The following GABRG3 variants were observed in gnomAD, a reference collection of about 807,000 sequenced individuals.
GABRG3 encodes gamma-aminobutyric acid type A receptor subunit gamma3, also known as gamma-aminobutyric acid receptor subunit gamma-3.
GABRG3 carries 25 observed loss-of-function variants against 48.8 expected under a neutral mutation model. That is an observed-to-expected ratio of 0.51 (90% CI 0.37 to 0.72). GABRG3 has a LOEUF of 0.72. Among genes scored for constraint, GABRG3 ranks in the 30% least tolerant of loss-of-function variants. The pLI is 0.00. For synonymous variants in GABRG3, 227 were observed against 217.6 expected (o/e 1.04, Z -0.38); for missense variants, 394 against 577.9 (o/e 0.68, Z 3.26).
At chr15:27,237,222 A>G (rs1468986480) in intron 3 of GABRG3, among the ~76,000 whole-genome samples, 1 of 152,254 alleles carries the variant, frequency 6.6e-6, no homozygotes, top group Admixed American at 6.5e-5. Flanking sequence ...ATTTAAATCC[A>G]GTGCTGACCC....
At chr15:27,435,436 C>A (rs1157178345) in intron 5 of GABRG3, among the ~76,000 whole-genome samples, 1 of 151,982 alleles carries the variant, frequency 6.6e-6, no homozygotes, top group African/African-American at 2.4e-5. Flanking sequence ...TTTAATAAAA[C>A]TTTATTTACA....
At chr15:27,167,198 G>A (rs889611181) in intron 3 of GABRG3, among the ~76,000 whole-genome samples, 1 of 152,122 alleles carries the variant, frequency 6.6e-6, no homozygotes, top group African/African-American at 2.4e-5. Flanking sequence ...GCCCATGCCC[G>A]AGGTCCCCTG....
chr15:27,217,887 C>T (rs1489714176), intron 3 of GABRG3, among the ~76,000 whole-genome samples: 1 of 152,154 alleles, frequency 6.6e-6, no homozygotes, highest in East Asian at 1.9e-4. Context: ...CCTGCCTCTC[C>T]CTGAGCTGGT....
chr15:27,530,501 G>A (rs572899234), intron 9 of GABRG3: 28 of 393,620 alleles, frequency 7.1e-5, no homozygotes, highest in Non-Finnish European at 1.4e-4. Context: ...GTTTCATTTC[G>A]AAGCAGTGAA....
intron 3 of GABRG3, among the ~76,000 whole-genome samples, chr15:27,028,387 A>G (rs899224243): frequency 6.6e-6 from 1 of 152,184 alleles, no homozygotes; most frequent in African/African-American, 2.4e-5. Context: ...GCTGTGACCA[A>G]GGCCCTGAAG....
chr15:27,002,167 C>T (rs1263890792), intron 2 of GABRG3, among the ~76,000 whole-genome samples: 2 of 152,160 alleles, frequency 1.3e-5, no homozygotes, highest in Non-Finnish European at 2.9e-5. Flanking sequence ...AACTTTCCAG[C>T]CATTACATCA....
intron 5 of GABRG3, among the ~76,000 whole-genome samples, chr15:27,341,534 C>T (rs1566794621): frequency 6.6e-6 from 1 of 152,100 alleles, no homozygotes; most frequent in African/African-American, 2.4e-5. Context: ...CCCATCATCC[C>T]GTTTCATCCT....
intron 2 of GABRG3, among the ~76,000 whole-genome samples, chr15:27,023,914 A>G (rs1895941084): frequency 6.6e-6 from 1 of 152,184 alleles, no homozygotes; most frequent in Non-Finnish European, 1.5e-5. Flanking sequence ...TTTTCTTCCC[A>G]CAAACAGTGC....
At chr15:27,165,099 T>C (rs1255629656) in intron 3 of GABRG3, among the ~76,000 whole-genome samples, 1 of 152,226 alleles carries the variant, frequency 6.6e-6, no homozygotes, top group East Asian at 1.9e-4. Flanking sequence ...ATATAGAATT[T>C]AGAATTTGAC....
intron 2 of GABRG3, among the ~76,000 whole-genome samples, chr15:27,004,571 T>C (rs1001026639): frequency 1.3e-5 from 2 of 152,138 alleles, no homozygotes; most frequent in African/African-American, 4.8e-5. Flanking sequence ...GCTGCAATCT[T>C]GGCATTTTGG....
At chr15:27,452,191 G>A (rs1044940522) in intron 5 of GABRG3, among the ~76,000 whole-genome samples, 4 of 152,138 alleles carry the variant, frequency 2.6e-5, no homozygotes, top group African/African-American at 4.8e-5. Flanking sequence ...ATCACCTCAC[G>A]CCTGTTAGAA....
intron 3 of GABRG3, among the ~76,000 whole-genome samples, chr15:27,128,777 G>T (rs546826836): frequency 2.6e-5 from 4 of 152,294 alleles, no homozygotes; most frequent in South Asian, 2.1e-4. Context: ...AATTTCTGGG[G>T]TTCTCCTACT....
chr15:27,015,581 G>A (rs1051850818), intron 2 of GABRG3, among the ~76,000 whole-genome samples: 5 of 151,582 alleles, frequency 3.3e-5, no homozygotes, highest in Non-Finnish European at 7.4e-5. Flanking sequence ...TAGAGACGGG[G>A]TTTCACCGTG....
intron 5 of GABRG3, among the ~76,000 whole-genome samples, chr15:27,430,610 G>T (rs886567706): frequency 1.3e-5 from 2 of 152,092 alleles, no homozygotes; most frequent in Non-Finnish European, 2.9e-5. Context: ...TCATTTGTTT[G>T]CATGTGCATA....
intron 3 of GABRG3, among the ~76,000 whole-genome samples, chr15:27,283,433 A>G (rs1891503642): frequency 1.3e-5 from 2 of 152,112 alleles, no homozygotes; most frequent in Non-Finnish European, 2.9e-5. Flanking sequence ...GTGAAACGCC[A>G]TCTCTACTAT....
At chr15:27,145,991 A>C (rs185108667) in intron 3 of GABRG3, among the ~76,000 whole-genome samples, 8 of 152,136 alleles carry the variant, frequency 5.3e-5, no homozygotes, top group Non-Finnish European at 1.0e-4. Flanking sequence ...ACTGTCACAT[A>C]AGAATTCTAT....
intron 3 of GABRG3, among the ~76,000 whole-genome samples, chr15:27,277,285 G>A (rs1891288145): frequency 6.6e-6 from 1 of 152,232 alleles, no homozygotes; most frequent in South Asian, 2.1e-4. Context: ...TCTATGAGCG[G>A]TCATGCAAAA....
At chr15:27,152,812 A>G (rs551798437) in intron 3 of GABRG3, among the ~76,000 whole-genome samples, 2 of 150,862 alleles carry the variant, frequency 1.3e-5, no homozygotes, top group Admixed American at 6.6e-5. Context: ...CTACAATTCA[A>G]TTTTTCTTGT....
chr15:27,211,388 A>T (rs891873760), intron 3 of GABRG3, among the ~76,000 whole-genome samples: 7 of 151,610 alleles, frequency 4.6e-5, no homozygotes, highest in African/African-American at 1.7e-4. Context: ...TGCTTAGGAA[A>T]CAAATAATCC....
Sources: gnomAD v4.1 joint callset for allele counts (sites outside exome capture counted in the v4.1 genomes callset) on GRCh38, gnomAD v4.1.1 for gene constraint, MANE v1.5 for transcripts, NCBI Gene and HGNC (gene_info 2026-07-23, HGNC 2026-07-21) for gene names.